Variants in SPTB observed in about 807,000 individuals in gnomAD.
SPTB encodes the protein spectrin beta chain, erythrocytic.
A neutral mutation model predicts 256.2 loss-of-function variants in SPTB; 45 were observed. The ratio of observed to expected loss-of-function variants is 0.18; its 90% CI spans 0.14 to 0.23. The LOEUF is 0.23. Ranked by LOEUF, SPTB falls within the 10% of genes least tolerant of loss-of-function variation. The pLI is 1.00. For synonymous variants in SPTB, 1,231 were observed against 1,243.1 expected, an observed-to-expected ratio of 0.99 and a Z score of 0.21; for missense variants, 2,715 against 3,040.4, an observed-to-expected ratio of 0.89 and a Z score of 2.52.
intron 32 of SPTB, among the ~76,000 whole-genome samples, chr14:64,765,874 T>C (rs1340600558): frequency 6.9e-6 from 1 of 145,126 alleles, no homozygotes; most frequent in East Asian, 2.0e-4. Flanking sequence ...TGTGTGTGTG[T>C]GGAGGTTGCG....
intron 1 of SPTB, among the ~76,000 whole-genome samples, chr14:64,863,166 G>T (rs1326529816): frequency 6.6e-6 from 1 of 152,182 alleles, no homozygotes; most frequent in Non-Finnish European, 1.5e-5. Flanking sequence ...GGTGCCCCAA[G>T]ATCTGGGTCC....
At position 64,785,971 on chromosome 14, in the gene SPTB, G is replaced by A; in HGVS notation, c.3562-20C>T. The stretch of plus-strand genomic sequence containing the variant: ...GTATTCCTGTTGGAACAAGTTTCCA[G>A]ACAAGGCATGAAGACACACGGAGGA... On this transcript the variant is annotated intron_variant, in intron 16 of 35. Coordinates refer to ENST00000644917, the MANE Select transcript of SPTB (RefSeq NM_001355436.2). The surrounding 1 kb of genome is among the most constrained non-coding windows in gnomAD (Gnocchi z 4.4). 6.2e-7 allele frequency: 1 copy of A among 1,613,212 alleles called. No homozygotes were observed. Among genetic ancestry groups the A allele is most frequent in the Non-Finnish European group, 8.5e-7 (1 of 1,179,666 alleles).
chr14:64,878,021 C>T (rs530576660), intron 1 of SPTB, among the ~76,000 whole-genome samples: 1 of 152,320 alleles, frequency 6.6e-6, no homozygotes, highest in East Asian at 1.9e-4. Context: ...ATCCTGGATG[C>T]CTGGGAGTCC....
chr14:64,814,171 T>A (rs1478650026), intron 2 of SPTB, among the ~76,000 whole-genome samples: 2 of 152,198 alleles, frequency 1.3e-5, no homozygotes, highest in African/African-American at 4.8e-5. Context: ...AAGCCGGGCA[T>A]GGTAGTGCAT....
intron 27 of SPTB, 121 bp from the exon 28 acceptor site, chr14:64,769,849 C>T: frequency 7.2e-7 from 1 of 1,397,012 alleles, no homozygotes; most frequent in South Asian, 1.2e-5. Flanking sequence ...TCCCTCCTCT[C>T]TCTCTGGCCA....
rs1594759614 is a variant in SPTB at position 64,773,206 on chromosome 14, T to C, written c.5178+14A>G. 1.2e-6 allele frequency: 2 copies of C among 1,613,590 alleles called. No individual in the cohort carries two copies. The highest frequency in any genetic ancestry group is 1.7e-4 in the Middle Eastern group (1 of 6,060). ...TAGAGAAAGACAAAAACAGCAGGAG[T>C]TGTGGCTACTCACAGTCACGTGGTC... On this transcript the variant is annotated intron_variant, in intron 25 of 35. Transcript: ENST00000644917.
At position 64,749,638 on chromosome 14, in the gene SPTB, G is replaced by C. The variant is rs1364478653; in HGVS notation, c.6819+16C>G. The C allele has an allele frequency of 1.2e-6, 2 of 1,613,392 alleles. No individual in the cohort carries two copies. The highest frequency in any genetic ancestry group is 3.3e-5 in the Admixed American group (2 of 60,006). On this transcript the variant is annotated intron_variant, in intron 35 of 35. Transcript: ENST00000644917. The surrounding 1 kb of genome is among the most constrained non-coding windows in gnomAD (Gnocchi z 4.7). ...CCCCTTCTTAGCCAGGTCTGGGCTA[G>C]GCTGCCCGCGCTTACCTCATCCTTG...
Position 64,786,074 on chromosome 14 carries a change from G to T in SPTB, c.3562-123C>A. ...CGGTATGAATGAGCCCCCTAGAGTAGTACAGGGAGGAGGCACTACTCCCCA... is the reference window on the plus strand; with the variant it reads ...CGGTATGAATGAGCCCCCTAGAGTATTACAGGGAGGAGGCACTACTCCCCA... On this transcript the variant is annotated intron_variant, in intron 16 of 35. Transcript: ENST00000644917. The surrounding 1 kb of genome is among the most constrained non-coding windows in gnomAD (Gnocchi z 5.6). The T allele has an allele frequency of 9.9e-7, 1 of 1,011,620 alleles. No individual in the cohort carries two copies. The allele number at this position is 1,011,620 out of a possible 1,614,324, so 62.7% of individuals were successfully genotyped here.
intron 10 of SPTB, among the ~76,000 whole-genome samples, chr14:64,797,452 G>C (rs1264831914): frequency 1.8e-5 from 2 of 108,232 alleles, no homozygotes; most frequent in African/African-American, 7.4e-5. Context: ...GGGTGACAGA[G>C]TGAGACCCTG....
intron 1 of SPTB, among the ~76,000 whole-genome samples, chr14:64,851,875 G>T (rs188901960): frequency 8.6e-5 from 13 of 151,984 alleles, no homozygotes; most frequent in African/African-American, 2.4e-4. Flanking sequence ...GGGGGTGGAG[G>T]GGGGAGGGAG....
Position 64,793,528 on chromosome 14 carries a change from G to A in SPTB, c.2135C>T (p.Pro712Leu), listed in dbSNP as rs1399245468. 3.7e-6 allele frequency: 6 copies of A among 1,614,050 alleles called. No individual in the cohort carries two copies. Among genetic ancestry groups the A allele is most frequent in the South Asian group, 1.1e-5 (1 of 91,074 alleles). Residue 712 changes from proline (P) to leucine (L), a missense_variant, in exon 14 of 36, where the codon CCG becomes CTG. Physicochemically the swap from Pro to Leu is moderately conservative, Grantham distance 98 (BLOSUM62 -3). Coordinates refer to ENST00000644917, the MANE Select transcript of SPTB (RefSeq NM_001355436.2). The surrounding 1 kb of genome is among the most constrained non-coding windows in gnomAD (Gnocchi z 7.0). ...GMVARKQFGH[P>L]QIEARIKEVS... ...CTCCTTTATGCGGGCCTCGATCTGCGGGTGCCCAAACTGCTTGCGCGCAAC... is the reference window on the plus strand; with the variant it reads ...CTCCTTTATGCGGGCCTCGATCTGCAGGTGCCCAAACTGCTTGCGCGCAAC...
intron 32 of SPTB, among the ~76,000 whole-genome samples, chr14:64,761,485 G>A (rs1204328933): frequency 6.6e-6 from 1 of 152,166 alleles, no homozygotes; most frequent in Non-Finnish European, 1.5e-5. Context: ...TATGAGAAGT[G>A]GGTTAGGGGA....
At chr14:64,822,792 G>A (rs1423205109) in intron 2 of SPTB, among the ~76,000 whole-genome samples, 155 bp downstream of exon 2, 1 of 152,174 alleles carries the variant, frequency 6.6e-6, no homozygotes, top group Non-Finnish European at 1.5e-5. Context: ...TCCCTCCCAA[G>A]GGGACCCCCA....
At position 64,749,545 on chromosome 14, in the gene SPTB, T is replaced by TG. The variant is rs1286178594; in HGVS notation, c.6820-73dup. On this transcript the variant is annotated intron_variant, in intron 35 of 35. Transcript: ENST00000644917. This position sits in a 1 kb window ranked among gnomAD's most constrained non-coding sequence, Gnocchi z 4.7. ...CACCTCCCGGGCCAGGCAACAATGG[T>TG]GGGGGCTCTTGGGACTGCCCCTTCT... The TG allele has an allele frequency of 1.2e-5, 19 of 1,600,926 alleles. No individual in the cohort carries two copies. Among genetic ancestry groups the TG allele is most frequent in the Non-Finnish European group, 1.6e-5 (19 of 1,177,996 alleles).
At chr14:64,837,648 C>A (rs1190437900) in intron 1 of SPTB, among the ~76,000 whole-genome samples, 8 of 152,180 alleles carry the variant, frequency 5.3e-5, no homozygotes, top group Non-Finnish European at 1.2e-4. Flanking sequence ...GTTGCCCAGG[C>A]TGGAGTGCAG....
rs1014839753 is a variant in SPTB, at chr14:64,873,913, A to G, written c.-52+5879T>C. 6.6e-6 allele frequency among the ~76,000 whole-genome samples: 1 copy of G among 152,234 alleles called. No individual in the cohort carries two copies. The highest frequency in any genetic ancestry group is 1.5e-5 in the Non-Finnish European group (1 of 68,046). The stretch of plus-strand genomic sequence containing the variant: ...CATGCTCATCATAAGATAAAATAAG[A>G]TGATGTGTAGACAAAGGCATGCTGA... On this transcript the variant is annotated intron_variant, in intron 1 of 35. Coordinates refer to ENST00000644917, the MANE Select transcript of SPTB (RefSeq NM_001355436.2). This position sits in a 1 kb window ranked among gnomAD's most constrained non-coding sequence, Gnocchi z 4.3.
At chr14:64,820,450 GTTGT>G (rs1476894146) in intron 2 of SPTB, among the ~76,000 whole-genome samples, 5 of 152,198 alleles carry the variant, frequency 3.3e-5, no homozygotes, top group African/African-American at 1.2e-4. Flanking sequence ...AACCACTTAG[GTTGT>G]TTGTTCTTGA....
chr14:64,780,855 T>C (rs745339405), intron 20 of SPTB, among the ~76,000 whole-genome samples: 2 of 152,158 alleles, frequency 1.3e-5, no homozygotes, highest in Non-Finnish European at 2.9e-5. Flanking sequence ...AAAAACAGCA[T>C]GGTATTGGTA....
intron 1 of SPTB, among the ~76,000 whole-genome samples, chr14:64,859,315 T>C (rs965050232): frequency 1.8e-4 from 27 of 152,248 alleles, no homozygotes; most frequent in African/African-American, 5.8e-4. Flanking sequence ...TTCCCTATCA[T>C]GAAATATAGT....
Sources: gnomAD v4.1 joint callset for allele counts (sites outside exome capture counted in the v4.1 genomes callset) on GRCh38, gnomAD v4.1.1 for gene constraint, Gnocchi (gnomAD v3.1) non-coding constraint, MANE v1.5 for transcripts, NCBI Gene and HGNC (gene_info 2026-07-23, HGNC 2026-07-21) for gene names.